The following FAM199X variants were observed in gnomAD, a reference collection of about 807,000 sequenced individuals.
The protein encoded by FAM199X is protein FAM199X.
Under a neutral mutation model 22.9 loss-of-function variants are expected in FAM199X, and 4 were observed. That is an observed-to-expected ratio of 0.17 (90% CI 0.09 to 0.40). The LOEUF (loss-of-function observed/expected upper bound fraction) is 0.40. FAM199X is among the 10% of genes least tolerant of loss of function. The pLI is 1.00. For synonymous variants in FAM199X, 101 were observed against 112.3 expected, an observed-to-expected ratio of 0.90 and a Z score of 0.64; for missense variants, 183 against 306.8, an observed-to-expected ratio of 0.60 and a Z score of 3.01.
intron 2 of FAM199X, among the ~76,000 whole-genome samples, chrX:104,182,593 G>A (rs1227923640): frequency 9.0e-6 from 1 of 111,354 alleles, no homozygotes; most frequent in African/African-American, 3.3e-5. Context: ...TAAATGATAC[G>A]ATATCTAGAA....
intron 1 of FAM199X, among the ~76,000 whole-genome samples, chrX:104,167,363 G>A (rs1267558656): frequency 9.5e-6 from 1 of 104,924 alleles, no homozygotes; most frequent in Non-Finnish European, 1.9e-5. Flanking sequence ...TTTCCGGTAC[G>A]CTGTAGAGGA....
the FAM199X span, among the ~76,000 whole-genome samples, chrX:104,160,095 T>G: frequency 2.7e-5 from 3 of 112,243 alleles, no homozygotes; most frequent in Non-Finnish European, 5.6e-5. Context: ...CTAATACTCA[T>G]CATGCTCAGC....
At chrX:104,181,091 C>T (rs1556377735) in intron 2 of FAM199X, among the ~76,000 whole-genome samples, 1 of 112,226 alleles carries the variant, frequency 8.9e-6, no homozygotes, top group African/African-American at 3.2e-5. Flanking sequence ...AAAATTTAAA[C>T]AGTGAGTAAT....
Position 104,193,724 on chromosome X carries a change from TGTTA to T in FAM199X, c.*3952_*3955del, listed in dbSNP as rs1475346003. Reference sequence around the variant, plus strand: ...GAAGTAAATTTAATTCTGAAAGGACTGTTAGTTAGGAAATAAGTATTTGTATACA... The same window carrying T: ...GAAGTAAATTTAATTCTGAAAGGACTGTTAGGAAATAAGTATTTGTATACA... On this transcript the variant is annotated 3_prime_UTR_variant, in exon 6 of 6. Transcript: ENST00000493442. 1 of 112,149 alleles carries T rather than the reference TGTTA, an allele frequency of 8.9e-6. No individual in the cohort carries two copies. The highest frequency in any genetic ancestry group is 2.8e-4 in the East Asian group (1 of 3,599). The allele number at this position is 112,149 out of a possible 1,213,427, so 9.2% of individuals were successfully genotyped here. A position where few individuals can be genotyped will look rare whatever the true frequency, so the allele number is the denominator to read the frequency against.
At position 104,166,657 on chromosome X, in the gene FAM199X, C is replaced by G. The variant is rs1257321221; in HGVS notation, c.-129C>G. 1.7e-6 allele frequency: 1 copy of G among 575,222 alleles called. No individual in the cohort carries two copies. Among genetic ancestry groups the G allele is most frequent in the African/African-American group, 2.5e-5 (1 of 40,618 alleles). The allele number at this position is 575,222 out of a possible 1,213,427, so 47.4% of individuals were successfully genotyped here. On this transcript the variant is annotated 5_prime_UTR_variant, in exon 1 of 6. Coordinates refer to ENST00000493442, the MANE Select transcript of FAM199X (RefSeq NM_207318.4). ...AGCAGCAGCGGGCCGCGACGCCCAG[C>G]CTGCCAGTGAGCTGCGACGGGCACA... is the stretch of plus-strand genomic sequence containing the variant.
chrX:104,185,693 C>T (rs782019414), intron 2 of FAM199X, among the ~76,000 whole-genome samples: 189 of 110,975 alleles, frequency 1.7e-3, no homozygotes, highest in African/African-American at 5.9e-3. Context: ...TCACTGCAAC[C>T]TCCACCTCCC....
chrX:104,158,032 C>T, the FAM199X span, among the ~76,000 whole-genome samples: 2 of 112,451 alleles, frequency 1.8e-5, no homozygotes, highest in Non-Finnish European at 3.8e-5. Context: ...TCAGATTAGT[C>T]AGATTGCATA....
intron 2 of FAM199X, 113 bp from the exon 3 acceptor site, chrX:104,185,953 C>T (rs555589473): frequency 3.6e-5 from 27 of 757,600 alleles, no homozygotes; most frequent in African/African-American, 6.4e-5. Flanking sequence ...GCCAGCAGCA[C>T]GTCAGTCTCA....
intron 2 of FAM199X, among the ~76,000 whole-genome samples, chrX:104,181,282 A>T (rs1921644797): frequency 8.9e-6 from 1 of 112,528 alleles, no homozygotes; most frequent in Non-Finnish European, 1.9e-5. Flanking sequence ...CATGAAAAAT[A>T]TGGGCTGAGA....
rs1384327766 is a variant in FAM199X, at chrX:104,194,389, A to G, written c.*4611A>G. ...GTAAAGGTAGTTGTAGACTATATGT[A>G]TAAATAACAAGTTAACACTTAATAT... On this transcript the variant is annotated 3_prime_UTR_variant, in exon 6 of 6. Coordinates refer to ENST00000493442, the MANE Select transcript of FAM199X (RefSeq NM_207318.4). The G allele has an allele frequency of 8.9e-6, 1 of 112,215 alleles. No individual in the cohort carries two copies. Among genetic ancestry groups the G allele is most frequent in the Non-Finnish European group, 1.9e-5 (1 of 53,108 alleles). The allele number at this position is 112,215 out of a possible 1,213,427, so 9.2% of individuals were successfully genotyped here.
At chrX:104,178,285 G>C (rs1457433690) in intron 2 of FAM199X, among the ~76,000 whole-genome samples, 2 of 110,716 alleles carry the variant, frequency 1.8e-5, no homozygotes, top group Non-Finnish European at 3.8e-5. Flanking sequence ...TCCTGCCTCA[G>C]CCTCCTGAGT....
At position 104,194,203 on chromosome X, in the gene FAM199X, C is replaced by G. The variant is rs1922006217; in HGVS notation, c.*4425C>G. 1 of 111,155 alleles carries G rather than the reference C, an allele frequency of 9.0e-6. No homozygotes were observed. The allele number at this position is 111,155 out of a possible 1,213,427, so 9.2% of individuals were successfully genotyped here. A position where few individuals can be genotyped will look rare whatever the true frequency, so the allele number is the denominator to read the frequency against. ...CCGAACTCAGAAAAGCTTGTTTGAT[C>G]TTCTCTAAATTCTGTATGTAGTACT... On this transcript the variant is annotated 3_prime_UTR_variant, in exon 6 of 6. Coordinates refer to ENST00000493442, the MANE Select transcript of FAM199X (RefSeq NM_207318.4).
intron 2 of FAM199X, among the ~76,000 whole-genome samples, chrX:104,176,928 T>G (rs1556376599): frequency 1.8e-5 from 2 of 112,084 alleles, no homozygotes; most frequent in African/African-American, 6.5e-5. Context: ...CCCTTCCATT[T>G]TTGTTTTTCA....
Position 104,179,467 on chromosome X carries a change from C to T in FAM199X, c.417+3625C>T, listed in dbSNP as rs781945174. On this transcript the variant is annotated intron_variant, in intron 2 of 5. Coordinates refer to ENST00000493442, the MANE Select transcript of FAM199X (RefSeq NM_207318.4). ...CATTGCTAGTGTATGTATAGAAATA[C>T]AGTTGGTGTTAGTATATTGATTTTG... Among the ~76,000 whole-genome samples the T allele has an allele frequency of 7.1e-5, 8 of 111,970 alleles. No individual in the cohort carries two copies. In the South Asian group the frequency reaches 1.1e-3, roughly 15 times the overall value.
At chrX:104,179,403 T>A (rs1240226394) in intron 2 of FAM199X, among the ~76,000 whole-genome samples, 2 of 112,198 alleles carry the variant, frequency 1.8e-5, no homozygotes, top group African/African-American at 6.5e-5. Flanking sequence ...GGTGCTGTTA[T>A]AAATAGTATT....
chrX:104,177,584 CA>C (rs1319626765), intron 2 of FAM199X, among the ~76,000 whole-genome samples: 1 of 112,102 alleles, frequency 8.9e-6, no homozygotes, highest in African/African-American at 3.2e-5. Flanking sequence ...TTTCCACCAG[CA>C]GCGTATGAAA....
At chrX:104,167,157 A>G (rs1356864374) in intron 1 of FAM199X, among the ~76,000 whole-genome samples, 175 bp downstream of exon 1, 1 of 73,338 alleles carries the variant, frequency 1.4e-5, no homozygotes, top group Admixed American at 2.0e-4. Context: ...CTGCCCTCCT[A>G]TTTTCCTTTC....
the FAM199X span, among the ~76,000 whole-genome samples, chrX:104,157,703 G>A: frequency 8.9e-6 from 1 of 111,857 alleles, no homozygotes; most frequent in Non-Finnish European, 1.9e-5. Flanking sequence ...AATAATAAAT[G>A]ATAATAATCA....
the FAM199X span, among the ~76,000 whole-genome samples, chrX:104,160,008 G>A: frequency 1.8e-5 from 2 of 112,084 alleles, no homozygotes; most frequent in African/African-American, 3.2e-5. Context: ...CTCTCACTCC[G>A]CTGCTGCTGA....
Sources: allele counts gnomAD v4.1 joint callset (sites outside exome capture counted in the v4.1 genomes callset), GRCh38; gene constraint gnomAD v4.1.1; transcripts MANE v1.5; gene names NCBI Gene and HGNC (gene_info 2026-07-23, HGNC 2026-07-21).